CNTLN: variants seen among roughly 807,000 people sequenced by gnomAD.
The protein encoded by CNTLN is centlein, centrosomal protein.
CNTLN carries 212 observed loss-of-function variants against 180.0 expected under a neutral mutation model. That is an observed-to-expected ratio of 1.18 (90% confidence interval 1.05 to 1.32). The LOEUF is 1.32. Ranked by LOEUF, CNTLN falls within the 40% of genes most tolerant of loss-of-function variation. CNTLN has a pLI of 0.00. For missense variants in CNTLN, 2,095 were observed against 1,610.9 expected (o/e 1.30, Z -5.14); for synonymous variants, 722 against 563.1 (o/e 1.28, Z -3.99).
At chr9:17,444,459 A>G (rs1306078464) in intron 18 of CNTLN, among the ~76,000 whole-genome samples, 1 of 152,188 alleles carries the variant, frequency 6.6e-6, no homozygotes. Flanking sequence ...GGCAGGACTG[A>G]TTTATACATT....
At chr9:17,511,648 T>TCTCTCACACA in the CNTLN span, among the ~76,000 whole-genome samples, 2,509 of 146,644 alleles carry the variant, frequency 0.017, 69 homozygotes, top group African/African-American at 0.052. Flanking sequence ...TCTCTCTCTC[T>TCTCTCACACA]CACACACACA....
chr9:17,252,090 T>C (rs1826178195), intron 5 of CNTLN, among the ~76,000 whole-genome samples: 1 of 151,920 alleles, frequency 6.6e-6, no homozygotes, highest in African/African-American at 2.4e-5. Context: ...CTAAGTAGTA[T>C]TCCATTATTT....
At chr9:17,293,986 T>C (rs932873245) in intron 6 of CNTLN, among the ~76,000 whole-genome samples, 1 of 152,166 alleles carries the variant, frequency 6.6e-6, no homozygotes, top group African/African-American at 2.4e-5. Flanking sequence ...ACTTCAAGAA[T>C]GAAGCCACGG....
At chr9:17,294,211 A>T (rs1256527500) in intron 6 of CNTLN, among the ~76,000 whole-genome samples, 2 of 152,044 alleles carry the variant, frequency 1.3e-5, no homozygotes, top group Non-Finnish European at 2.9e-5. Context: ...GAGTGAAAGA[A>T]CAAAGCTTCC....
rs563608149 is a variant in CNTLN, at chr9:17,153,857, T to A, written c.449+10481T>A. Reference sequence around the variant, plus strand: ...TCTTGGAGGCTTTGTTTTTCCTTTTTATTCTTTTTTCTCTAATCTTGTCTT... The same window carrying A: ...TCTTGGAGGCTTTGTTTTTCCTTTTAATTCTTTTTTCTCTAATCTTGTCTT... On this transcript the variant is annotated intron_variant, in intron 2 of 25. Transcript: ENST00000380647. Among the ~76,000 whole-genome samples the A allele has an allele frequency of 1.1e-4, 17 of 152,302 alleles. No individual in the cohort carries two copies. In the South Asian group the frequency reaches 3.5e-3, roughly 32 times the overall value.
intron 10 of CNTLN, among the ~76,000 whole-genome samples, chr9:17,338,157 T>A (rs1821182045): frequency 6.7e-6 from 1 of 149,750 alleles, no homozygotes; most frequent in African/African-American, 2.5e-5. Flanking sequence ...TCTTCTTTCT[T>A]TCTTTTTCTT....
chr9:17,232,346 T>G (rs868131166), intron 3 of CNTLN, among the ~76,000 whole-genome samples: 1 of 152,002 alleles, frequency 6.6e-6, no homozygotes, highest in Non-Finnish European at 1.5e-5. Context: ...AATTTTATTA[T>G]GCTTTTTAAT....
Position 17,316,123 on chromosome 9 carries a change from T to G in CNTLN, c.1341+6871T>G, listed in dbSNP as rs1331304104. On this transcript the variant is annotated intron_variant, in intron 8 of 25. Transcript: ENST00000380647. ...TTCATGTATTTTGGGGTTCTTTTGT[T>G]AAGTGCATGTATTTTTATAATTGTT... Among the ~76,000 whole-genome samples the G allele has an allele frequency of 3.3e-5, 5 of 152,118 alleles. No homozygotes were observed. In the South Asian group the frequency reaches 1.0e-3, roughly 32 times the overall value.
chr9:17,325,853 G>T (rs7848128), intron 8 of CNTLN, among the ~76,000 whole-genome samples: 43,395 of 151,636 alleles, frequency 0.29, 6,564 homozygotes, highest in South Asian at 0.51. Flanking sequence ...ATTATAATTT[G>T]CTAATAAAAC....
chr9:17,151,561 C>T (rs1209957574), intron 2 of CNTLN, among the ~76,000 whole-genome samples: 1 of 151,684 alleles, frequency 6.6e-6, no homozygotes, highest in Non-Finnish European at 1.5e-5. Context: ...ATTTGGTTTG[C>T]CACTATTTTA....
At chr9:17,408,821 G>A (rs1334178248) in intron 15 of CNTLN, among the ~76,000 whole-genome samples, 1 of 149,204 alleles carries the variant, frequency 6.7e-6, no homozygotes, top group Non-Finnish European at 1.5e-5. Flanking sequence ...AAAAGTGCCT[G>A]GGCCCATAGT....
At chr9:17,474,700 CT>C (rs1832236249) in intron 23 of CNTLN, among the ~76,000 whole-genome samples, 1 of 152,046 alleles carries the variant, frequency 6.6e-6, no homozygotes, top group Non-Finnish European at 1.5e-5. Flanking sequence ...GAAACCCCGT[CT>C]CTACTAAAAA....
chr9:17,416,206 G>T lies in CNTLN; in HGVS notation c.3114+17G>T. ...ACAATAAAGGTAAAGAGAACTTTAA[G>T]ATTGAACAGTAGTATACTATATTGT... is the stretch of plus-strand genomic sequence containing the variant. On this transcript the variant is annotated intron_variant, in intron 18 of 25. Coordinates refer to ENST00000380647, the MANE Select transcript of CNTLN (RefSeq NM_017738.4). 2 of 1,572,000 alleles carry T rather than the reference G, an allele frequency of 1.3e-6. No individual in the cohort carries two copies. Among genetic ancestry groups the T allele is most frequent in the South Asian group, 1.1e-5 (1 of 89,146 alleles).
At chr9:17,358,693 A>T (rs1823052000) in intron 12 of CNTLN, among the ~76,000 whole-genome samples, 1 of 152,190 alleles carries the variant, frequency 6.6e-6, no homozygotes, top group Non-Finnish European at 1.5e-5. Context: ...ATGTACTAAA[A>T]AAGTAATAAT....
At chr9:17,151,241 G>C (rs71416653) in intron 2 of CNTLN, among the ~76,000 whole-genome samples, 1 of 152,176 alleles carries the variant, frequency 6.6e-6, no homozygotes, top group African/African-American at 2.4e-5. Context: ...CGAAGGGAAT[G>C]CTTTGAGTTT....
intron 5 of CNTLN, among the ~76,000 whole-genome samples, chr9:17,240,605 A>T (rs11560477): frequency 0.047 from 7,111 of 152,234 alleles, 219 homozygotes; most frequent in South Asian, 0.15. Context: ...TCAGATAATT[A>T]GATTTTTTTT....
Position 17,250,935 on chromosome 9 carries a change from A to C in CNTLN, c.849+14347A>C, listed in dbSNP as rs541503938. ...TTCCATTTTGCATTTCTTGTAGTGC[A>C]TCTGAAGTGGTAATGACTTCTCTCA... On this transcript the variant is annotated intron_variant, in intron 5 of 25. Coordinates refer to ENST00000380647, the MANE Select transcript of CNTLN (RefSeq NM_017738.4). 2.0e-4 allele frequency among the ~76,000 whole-genome samples: 30 copies of C among 152,170 alleles called. No individual in the cohort carries two copies. In the South Asian group the frequency reaches 6.0e-3, roughly 30 times the overall value.
intron 13 of CNTLN, among the ~76,000 whole-genome samples, chr9:17,372,839 A>G (rs1187362606): frequency 3.3e-5 from 5 of 152,180 alleles, no homozygotes; most frequent in African/African-American, 4.8e-5. Context: ...ACATTAATCA[A>G]TGTGATACAT....
chr9:17,366,606 CT>C lies in CNTLN; in HGVS notation c.1887-6del. The C allele has an allele frequency of 7.4e-7, 1 of 1,358,764 alleles. No homozygotes were observed. Among genetic ancestry groups the C allele is most frequent in the Non-Finnish European group, 1.0e-6 (1 of 962,674 alleles). The allele number at this position is 1,358,764 out of a possible 1,614,324, so 84.2% of individuals were successfully genotyped here. A position where few individuals can be genotyped will look rare whatever the true frequency, so the allele number is the denominator to read the frequency against. On this transcript the variant is annotated splice_polypyrimidine_tract_variant and intron_variant, in intron 12 of 25. Transcript: ENST00000380647. ...TATGGTTTTAAGTAAATGTTTATTG[CT>C]TTTTCATAGGATGAATCTTGAAGAA...
Sources: gnomAD v4.1 joint callset for allele counts (sites outside exome capture counted in the v4.1 genomes callset) on GRCh38, gnomAD v4.1.1 for gene constraint, MANE v1.5 for transcripts, NCBI Gene and HGNC (gene_info 2026-07-23, HGNC 2026-07-21) for gene names.